Variants in FANCD2OS observed in about 807,000 individuals in gnomAD.
FANCD2OS encodes the protein FANCD2 opposite strand protein.
Under a neutral mutation model 13.2 loss-of-function variants are expected in FANCD2OS, and 11 were observed. The observed-to-expected ratio is 0.83, with a 90% CI of 0.52 to 1.38. The LOEUF is 1.38. Ranked by LOEUF, FANCD2OS falls within the 40% of genes most tolerant of loss-of-function variation. FANCD2OS has a pLI of 0.00. For synonymous variants in FANCD2OS, 69 were observed against 84.5 expected (o/e 0.82, Z 1.01); for missense variants, 217 against 213.9 (o/e 1.01, Z -0.09).
At chr3:10,096,462 G>C in intron 2 of FANCD2OS, 1 of 1,614,034 alleles carries the variant, frequency 6.2e-7, no homozygotes, top group East Asian at 2.2e-5. Flanking sequence ...CTAAAAAACC[G>C]GGACTTGCAG....
chr3:10,100,144 C>T (rs909015921), downstream of FANCD2OS, among the ~76,000 whole-genome samples: 2 of 152,200 alleles, frequency 1.3e-5, no homozygotes, highest in Admixed American at 1.3e-4. Context: ...GCCATCATCA[C>T]ACTCCAGCCT....
chr3:10,081,695 T>A (rs908343088), intron 2 of FANCD2OS, among the ~76,000 whole-genome samples: 7 of 152,220 alleles, frequency 4.6e-5, no homozygotes, highest in African/African-American at 1.7e-4. Context: ...GACTTGCTGA[T>A]GAGCTGATAA....
At chr3:10,089,681 G>C (rs953936185) in intron 2 of FANCD2OS, among the ~76,000 whole-genome samples, 2 of 152,134 alleles carry the variant, frequency 1.3e-5, no homozygotes, top group African/African-American at 2.4e-5. Context: ...TGTTGGCCAG[G>C]CTAGTCTTGA....
intron 2 of FANCD2OS, among the ~76,000 whole-genome samples, chr3:10,091,771 G>A (rs1019200909): frequency 6.6e-6 from 1 of 152,124 alleles, no homozygotes; most frequent in Non-Finnish European, 1.5e-5. Context: ...AAACAGCTTA[G>A]GAGAAAACTT....
chr3:10,088,847 G>C, intron 2 of FANCD2OS: 2 of 1,614,166 alleles, frequency 1.2e-6, no homozygotes, highest in Non-Finnish European at 1.7e-6. Flanking sequence ...GGAGCACACA[G>C]AGAGCATTCT....
chr3:10,107,696 A>G (rs6768102), intron 1 of FANCD2OS, among the ~76,000 whole-genome samples: 31,680 of 151,818 alleles, frequency 0.21, 3,713 homozygotes, highest in African/African-American at 0.32. Context: ...GCCTGCAATC[A>G]CAGCACTTTG....
At chr3:10,093,886 G>C (rs9859815) in intron 2 of FANCD2OS, among the ~76,000 whole-genome samples, 3,521 of 152,286 alleles carry the variant, frequency 0.023, 141 homozygotes, top group African/African-American at 0.08. Flanking sequence ...CAATGTGGGA[G>C]ATGGGCAAGT....
chr3:10,092,629 T>C (rs1387917615), intron 2 of FANCD2OS, among the ~76,000 whole-genome samples: 1 of 151,750 alleles, frequency 6.6e-6, no homozygotes, highest in Non-Finnish European at 1.5e-5. Context: ...ATCGTGGTTT[T>C]GCTCAGCTTG....
At chr3:10,094,042 A>G (rs1299769890) in intron 2 of FANCD2OS, among the ~76,000 whole-genome samples, 2 of 152,226 alleles carry the variant, frequency 1.3e-5, no homozygotes, top group Admixed American at 6.5e-5. Context: ...AAGCTGAGCA[A>G]GTTCCCTGTC....
chr3:10,091,082 C>CT (rs893693945), intron 2 of FANCD2OS, among the ~76,000 whole-genome samples: 9 of 147,376 alleles, frequency 6.1e-5, no homozygotes, highest in Non-Finnish European at 9.0e-5. Context: ...TATGTTTTTT[C>CT]TTTTTTTTTT....
downstream of FANCD2OS, among the ~76,000 whole-genome samples, chr3:10,098,523 A>G (rs1275409198): frequency 6.6e-6 from 1 of 152,220 alleles, no homozygotes; most frequent in African/African-American, 2.4e-5. Context: ...TTATTGTATC[A>G]GGGCCACAGA....
At chr3:10,105,775 TATA>T (rs1695474263) in intron 1 of FANCD2OS, among the ~76,000 whole-genome samples, 3 of 10,258 alleles carry the variant, frequency 2.9e-4, no homozygotes, top group South Asian at 4.1e-3. Flanking sequence ...AAAAAAATTA[TATA>T]TATATATATA....
chr3:10,105,772 TTATATATATATATATATATATA>T lies in FANCD2OS; in HGVS notation c.-8-1012_-8-991del, dbSNP rs574690780. Among the ~76,000 whole-genome samples the T allele has an allele frequency of 2.7e-3, 62 of 22,646 alleles. 1 individual carries two copies. Among genetic ancestry groups the T allele is most frequent in the Admixed American group, 5.2e-3 (8 of 1,542 alleles). The allele number at this position is 22,646 out of a possible 152,430, so 14.9% of individuals were successfully genotyped here. A position where few individuals can be genotyped will look rare whatever the true frequency, so the allele number is the denominator to read the frequency against. ...TCTAAAAAAAAAAAAAAAAAAAAAA[TTATATATATATATATATATATA>T]TATATATATATATATATATATATAT... On this transcript the variant is annotated intron_variant, in intron 1 of 1. Transcript: ENST00000450660.
At chr3:10,091,786 C>T (rs1694624982) in intron 2 of FANCD2OS, among the ~76,000 whole-genome samples, 1 of 151,990 alleles carries the variant, frequency 6.6e-6, no homozygotes, top group African/African-American at 2.4e-5. Flanking sequence ...AAACTTGGAC[C>T]CAAGACATAG....
At chr3:10,092,240 C>T (rs1386111611) in intron 2 of FANCD2OS, 1 of 1,612,684 alleles carries the variant, frequency 6.2e-7, no homozygotes, top group Admixed American at 1.7e-5. Context: ...GTATCCTCAT[C>T]AACTTGATAA....
intron 2 of FANCD2OS, among the ~76,000 whole-genome samples, chr3:10,093,995 C>T (rs1163616809): frequency 1.3e-5 from 2 of 152,186 alleles, no homozygotes; most frequent in Non-Finnish European, 2.9e-5. Context: ...AAGTTATCCT[C>T]AGATAGAGCT....
At chr3:10,089,477 A>ATTGTT (rs1206741118) in intron 2 of FANCD2OS, among the ~76,000 whole-genome samples, 1 of 151,268 alleles carries the variant, frequency 6.6e-6, no homozygotes, top group Non-Finnish European at 1.5e-5. Flanking sequence ...TTTGTTTTGT[A>ATTGTT]TTGTTTTGTT....
At chr3:10,086,837 T>G (rs1465885870) in intron 2 of FANCD2OS, among the ~76,000 whole-genome samples, 1 of 152,168 alleles carries the variant, frequency 6.6e-6, no homozygotes, top group Non-Finnish European at 1.5e-5. Flanking sequence ...AAAGAGCAGA[T>G]AATTTATCTA....
At chr3:10,082,566 C>T (rs1007177915) in intron 2 of FANCD2OS, among the ~76,000 whole-genome samples, 6 of 152,160 alleles carry the variant, frequency 3.9e-5, no homozygotes, top group Non-Finnish European at 8.8e-5. Context: ...CTGCCTCCAG[C>T]CTCACTGAAT....
Sources: allele counts gnomAD v4.1 joint callset (sites outside exome capture counted in the v4.1 genomes callset), GRCh38; gene constraint gnomAD v4.1.1; transcripts MANE v1.5; gene names NCBI Gene and HGNC (gene_info 2026-07-23, HGNC 2026-07-21).